The following CEP43 variants were observed in gnomAD, a reference collection of about 807,000 sequenced individuals.
The protein encoded by CEP43 is FGFR1 oncogene partner.
A neutral mutation model predicts 52.6 loss-of-function variants in CEP43; 36 were observed. The observed-to-expected ratio is 0.68, with a 90% CI of 0.52 to 0.90. The LOEUF (loss-of-function observed/expected upper bound fraction) is 0.90. Ranked by LOEUF, CEP43 falls within the 40% of genes least tolerant of loss-of-function variation. The pLI is 0.00. For missense variants in CEP43, 506 were observed against 472.8 expected, an observed-to-expected ratio of 1.07 and a Z score of -0.65; for synonymous variants, 192 against 172.4, an observed-to-expected ratio of 1.11 and a Z score of -0.89.
chr6:166,999,970 G>T, intron 1 of CEP43, 90 bp from the exon 2 acceptor site: 2 of 1,138,236 alleles, frequency 1.8e-6, no homozygotes, highest in Admixed American at 3.7e-5. Flanking sequence ...CAGCTCGTTG[G>T]CTTGCTCGTG....
intron 10 of CEP43, 45 bp from the exon 11 acceptor site, chr6:167,032,558 T>C (rs1297280224): frequency 1.3e-6 from 2 of 1,490,568 alleles, no homozygotes; most frequent in Non-Finnish European, 1.8e-6. Context: ...GTAGGTAAAT[T>C]GTGACGCACA....
chr6:167,019,440 T>G (rs1448292843), intron 7 of CEP43, among the ~76,000 whole-genome samples: 2 of 152,200 alleles, frequency 1.3e-5, no homozygotes, highest in African/African-American at 4.8e-5. Context: ...GTAGATTTTT[T>G]TAATAGTGAA....
intron 7 of CEP43, among the ~76,000 whole-genome samples, chr6:167,015,846 A>C (rs1013853923): frequency 6.6e-6 from 1 of 152,168 alleles, no homozygotes; most frequent in African/African-American, 2.4e-5. Flanking sequence ...TGAAGTTCTT[A>C]TTTTTGTTGT....
At chr6:166,999,583 G>C in intron 1 of CEP43, 69 bp downstream of exon 1, 9 of 1,185,674 alleles carry the variant, frequency 7.6e-6, no homozygotes, top group Non-Finnish European at 1.0e-5. Flanking sequence ...GCGTCACAAC[G>C]GTCGCGGCGA....
chr6:167,039,241 C>T (rs548040404), intron 12 of CEP43, among the ~76,000 whole-genome samples: 256 of 152,084 alleles, frequency 1.7e-3, no homozygotes, highest in African/African-American at 5.9e-3. Context: ...GCGATTCTCC[C>T]GCCTCAGCCT....
intron 7 of CEP43, 118 bp from the exon 8 acceptor site, chr6:167,022,291 C>CAT: frequency 1.5e-6 from 1 of 669,306 alleles, no homozygotes. Context: ...CACACACACA[C>CAT]ACACAAAGGT....
intron 10 of CEP43, among the ~76,000 whole-genome samples, chr6:167,028,727 C>T (rs1301625978): frequency 6.6e-6 from 1 of 152,168 alleles, no homozygotes; most frequent in Non-Finnish European, 1.5e-5. Context: ...GGTTAAGTAA[C>T]TTGCCCAAGG....
chr6:167,003,762 T>A lies in CEP43; in HGVS notation c.251T>A (p.Phe84Tyr). Residue 84 changes from phenylalanine (F) to tyrosine (Y), a missense_variant, in exon 4 of 13, where the codon TTT becomes TAT. By Grantham distance (22) the Phe-to-Tyr change is conservative. Transcript: ENST00000366847. ...VASLVAEFLQ[F>Y]FNLDFTLAVF... ...AGTCTTGTTGCAGAATTTCTTCAGT[T>A]TTTTAACCTTGACTTTACTTTGGCT... 2 of 1,612,390 alleles carry A rather than the reference T, an allele frequency of 1.2e-6. No individual in the cohort carries two copies. Among genetic ancestry groups the A allele is most frequent in the East Asian group, 4.5e-5 (2 of 44,760 alleles).
intron 1 of CEP43, 162 bp from the exon 2 acceptor site, chr6:166,999,898 C>A (rs1273485608): frequency 1.7e-6 from 1 of 592,096 alleles, no homozygotes; most frequent in South Asian, 2.1e-5. Context: ...GCCTGGGGGT[C>A]GGAGAGCTTG....
intron 8 of CEP43, 23 bp downstream of exon 8, chr6:167,022,658 A>G (rs1454522050): frequency 4.1e-6 from 6 of 1,464,116 alleles, no homozygotes; most frequent in Non-Finnish European, 5.7e-6. Context: ...TTTTTGAGCT[A>G]TGAGACTAGG....
chr6:167,036,865 T>C, intron 12 of CEP43: 1 of 667,874 alleles, frequency 1.5e-6, no homozygotes, highest in Middle Eastern at 7.7e-4. Context: ...TGGAGTGCAA[T>C]GGCTGGATCT....
At chr6:167,021,035 G>T (rs898025618) in intron 7 of CEP43, among the ~76,000 whole-genome samples, 1 of 148,214 alleles carries the variant, frequency 6.7e-6, no homozygotes, top group Non-Finnish European at 1.5e-5. Context: ...TTTAAGACCA[G>T]CCTGGATGAC....
Position 167,044,752 on chromosome 6 carries a change from C to A in CEP43, c.*4774C>A. 1 of 170,850 alleles carries A rather than the reference C, an allele frequency of 5.9e-6. No individual in the cohort carries two copies. Among genetic ancestry groups the A allele is most frequent in the Non-Finnish European group, 1.2e-5 (1 of 85,028 alleles). 10.6% of individuals were successfully genotyped at this position (170,850 alleles called of 1,614,324 possible). A position where few individuals can be genotyped will look rare whatever the true frequency, so the allele number is the denominator to read the frequency against. ...GCAGAAACGTGTGCTCTGCTACAGC[C>A]CTGGGAGGAGGGGCCGGGCTCCCAA... On this transcript the variant is annotated 3_prime_UTR_variant, in exon 13 of 13. Coordinates refer to ENST00000366847, the MANE Select transcript of CEP43 (RefSeq NM_007045.4).
At chr6:167,036,819 T>C (rs1470272235) in intron 12 of CEP43, 1 of 971,038 alleles carries the variant, frequency 1.0e-6, no homozygotes, top group Non-Finnish European at 1.2e-6. Flanking sequence ...TTTTTGTTTT[T>C]GTTTTTGAGA....
rs757870467 is a variant in CEP43 at position 167,003,821 on chromosome 6, A to G, written c.300+10A>G. 1.3e-6 allele frequency: 2 copies of G among 1,535,000 alleles called. No homozygotes were observed. Among genetic ancestry groups the G allele is most frequent in the Admixed American group, 1.7e-5 (1 of 59,372 alleles). ...ACCTGAAACTAGCACAGTAAGAATA[A>G]TGATTTTTACATCTATCTTTTGAAA... On this transcript the variant is annotated intron_variant, in intron 4 of 12. Transcript: ENST00000366847.
rs898497661 is a variant in CEP43, at chr6:167,051,571, C to T, written c.*11593C>T. On this transcript the variant is annotated 3_prime_UTR_variant, in exon 13 of 13. Transcript: ENST00000366847. ...TTATTGTTAAATTATGTATTTATTC[C>T]TTTAGTTCTGTCATGTTCTGCTTCT... 6.6e-6 allele frequency: 1 copy of T among 152,116 alleles called. No homozygotes were observed. Among genetic ancestry groups the T allele is most frequent in the African/African-American group, 2.4e-5 (1 of 41,434 alleles). The allele number at this position is 152,116 out of a possible 1,614,324, so 9.4% of individuals were successfully genotyped here.
intron 5 of CEP43, among the ~76,000 whole-genome samples, chr6:167,007,939 G>A (rs1382932439): frequency 6.6e-6 from 1 of 152,114 alleles, no homozygotes; most frequent in Non-Finnish European, 1.5e-5. Flanking sequence ...TCTTCCTAAA[G>A]GTTCTCATGC....
chr6:167,017,406 T>C (rs1207745839), intron 7 of CEP43, among the ~76,000 whole-genome samples: 1 of 152,194 alleles, frequency 6.6e-6, no homozygotes, highest in Non-Finnish European at 1.5e-5. Context: ...AGGATGTGTG[T>C]AGGCTATGTG....
rs562534895 is a variant in CEP43 at position 167,041,893 on chromosome 6, G to A, written c.*1915G>A. Reference sequence around the variant, plus strand: ...GACTGGAGTACAGTGATGCGATCTCGGCTCACTGCAACCTCCGCCTCCTGG... The same window carrying A: ...GACTGGAGTACAGTGATGCGATCTCAGCTCACTGCAACCTCCGCCTCCTGG... On this transcript the variant is annotated 3_prime_UTR_variant, in exon 13 of 13. Transcript: ENST00000366847. 66 of 767,964 alleles carry A rather than the reference G, an allele frequency of 8.6e-5. No homozygotes were observed. In the South Asian group the frequency reaches 2.7e-3, roughly 32 times the overall value. 47.6% of individuals were successfully genotyped at this position (767,964 alleles called of 1,614,324 possible).
Sources: allele counts gnomAD v4.1 joint callset (sites outside exome capture counted in the v4.1 genomes callset), GRCh38; gene constraint gnomAD v4.1.1; transcripts MANE v1.5; gene names NCBI Gene and HGNC (gene_info 2026-07-23, HGNC 2026-07-21).